RAP1GAP2: variants seen among roughly 807,000 people sequenced by gnomAD.
RAP1GAP2 encodes the protein rap1 GTPase-activating protein 2.
In RAP1GAP2, 27 loss-of-function variants were observed where a neutral mutation model predicts 95.0. That is an observed-to-expected ratio of 0.28 (90% CI 0.21 to 0.39). RAP1GAP2 has a LOEUF of 0.39. Ranked by LOEUF, RAP1GAP2 falls within the 10% of genes least tolerant of loss-of-function variation. The pLI is 1.00. For synonymous variants in RAP1GAP2, 373 were observed against 380.9 expected (o/e 0.98, Z 0.24); for missense variants, 771 against 970.0 (o/e 0.79, Z 2.72).
At chr17:2,968,999 ATATT>A (rs1203886850) in intron 8 of RAP1GAP2, among the ~76,000 whole-genome samples, 2 of 152,040 alleles carry the variant, frequency 1.3e-5, no homozygotes, top group African/African-American at 2.4e-5. Context: ...TCAGTAGTAT[ATATT>A]ATAGTATATG....
In RAP1GAP2 at chr17:2,796,553, C is replaced by A; in HGVS notation, c.26C>A (p.Ser9Tyr). 6.4e-7 allele frequency: 1 copy of A among 1,564,018 alleles called. No homozygotes were observed. Among genetic ancestry groups the A allele is most frequent in the South Asian group, 1.2e-5 (1 of 84,850 alleles). MFGRKRSV[S>Y]FGGFGWIDKT... ...ATGTTTGGCCGGAAGCGCAGTGTCTCCTTTGGGGGCTTCGGATGGTGGGTG... is the reference window on the plus strand; with the variant it reads ...ATGTTTGGCCGGAAGCGCAGTGTCTACTTTGGGGGCTTCGGATGGTGGGTG... Residue 9 changes from serine (S) to tyrosine (Y), a missense_variant, in exon 1 of 25, where the codon TCC becomes TAC. Physicochemically the swap from Ser to Tyr is moderately radical, Grantham distance 144. Coordinates refer to ENST00000254695, the MANE Select transcript of RAP1GAP2 (RefSeq NM_015085.5). The surrounding 1 kb of genome is among the most constrained non-coding windows in gnomAD (Gnocchi z 4.7).
At chr17:2,773,744 T>G (rs1425617416), upstream of RAP1GAP2, among the ~76,000 whole-genome samples, 1 of 132,736 alleles carries the variant, frequency 7.5e-6, no homozygotes, top group East Asian at 2.0e-4. Context: ...TATTTATTTA[T>G]TTATTTATTT....
chr17:2,820,132 T>A lies in RAP1GAP2; in HGVS notation c.80+19582T>A, dbSNP rs372369359. ...TATTAATTTGTACAAATAGATCACA[T>A]TTTTTTTGTATCCCCCATTGATCCC... On this transcript the variant is annotated intron_variant, in intron 2 of 24. Transcript: ENST00000254695. Among the ~76,000 whole-genome samples, 10 of 152,050 alleles carry A rather than the reference T, an allele frequency of 6.6e-5. No homozygotes were observed. The East Asian group carries it at 1.2e-3, about 18-fold the overall frequency.
rs748327704 is a variant in RAP1GAP2 at position 2,857,493 on chromosome 17, C to G, written c.81-47791C>G. On this transcript the variant is annotated intron_variant, in intron 2 of 24. Transcript: ENST00000254695. The surrounding 1 kb of genome is among the most constrained non-coding windows in gnomAD (Gnocchi z 4.0). Reference sequence around the variant, plus strand: ...TTCGAGAAATGGGCGTGGTGATCATCATGTTGGACTTGACCGTGCTCTACG... The same window carrying G: ...TTCGAGAAATGGGCGTGGTGATCATGATGTTGGACTTGACCGTGCTCTACG... 3.9e-5 allele frequency among the ~76,000 whole-genome samples: 6 copies of G among 152,188 alleles called. No individual in the cohort carries two copies. The highest frequency in any genetic ancestry group is 8.8e-5 in the Non-Finnish European group (6 of 68,044).
At chr17:2,973,636 C>A (rs750416338) in intron 8 of RAP1GAP2, among the ~76,000 whole-genome samples, 6 of 152,042 alleles carry the variant, frequency 3.9e-5, no homozygotes, top group Admixed American at 6.5e-5. Context: ...GGAAGATAGA[C>A]CCAAGGAATT....
At chr17:2,944,161 CAAAAA>C (rs36063732) in intron 3 of RAP1GAP2, among the ~76,000 whole-genome samples, 2 of 81,808 alleles carry the variant, frequency 2.4e-5, no homozygotes, top group African/African-American at 8.5e-5. Context: ...ACAGCAAAAC[CAAAAA>C]AAAAAAAAAA....
chr17:2,977,640 G>C (rs2045181083), intron 8 of RAP1GAP2, among the ~76,000 whole-genome samples: 1 of 151,732 alleles, frequency 6.6e-6, no homozygotes, highest in Non-Finnish European at 1.5e-5. Context: ...AGCTACTCGG[G>C]AGGCTGAGGC....
At chr17:2,755,955 C>T (rs1180722209) in intron 1 of RAP1GAP2, among the ~76,000 whole-genome samples, 2 of 152,128 alleles carry the variant, frequency 1.3e-5, no homozygotes, top group African/African-American at 2.4e-5. Flanking sequence ...CCCGCGTCCC[C>T]GCGCCGGGTC....
At position 3,030,920 on chromosome 17, in the gene RAP1GAP2, A is replaced by C; in HGVS notation, c.2108-2A>C. 1 of 1,606,324 alleles carries C rather than the reference A, an allele frequency of 6.2e-7. No individual in the cohort carries two copies. The highest frequency in any genetic ancestry group is 8.5e-7 in the Non-Finnish European group (1 of 1,176,120). Reference sequence around the variant, plus strand: ...TCCTTTCATGGCCGTTCTTTTTCTTAGATGCCAAAAGCAGAAACTCCCCGA... The same window carrying C: ...TCCTTTCATGGCCGTTCTTTTTCTTCGATGCCAAAAGCAGAAACTCCCCGA... On this transcript the variant is annotated splice_acceptor_variant, in intron 22 of 24. Coordinates refer to ENST00000254695, the MANE Select transcript of RAP1GAP2 (RefSeq NM_015085.5). LOFTEE classifies it high-confidence loss of function.
chr17:2,927,402 C>T (rs555033882), intron 3 of RAP1GAP2, among the ~76,000 whole-genome samples: 1 of 152,186 alleles, frequency 6.6e-6, no homozygotes, highest in Non-Finnish European at 1.5e-5. Flanking sequence ...ATCCGCCCGC[C>T]TTGGCCTCCC....
intron 11 of RAP1GAP2, among the ~76,000 whole-genome samples, chr17:2,988,573 A>G (rs2045637110): frequency 6.6e-6 from 1 of 152,126 alleles, no homozygotes; most frequent in Non-Finnish European, 1.5e-5. Context: ...GCTGAGTAGT[A>G]CTCTGTGGTA....
chr17:3,006,101 T>C, intron 16 of RAP1GAP2, 60 bp downstream of exon 16: 3 of 766,820 alleles, frequency 3.9e-6, no homozygotes, highest in Non-Finnish European at 4.4e-6. Context: ...TTAGCCAGCC[T>C]CATCCAGGGC....
At chr17:2,875,251 G>T (rs1325364224) in intron 2 of RAP1GAP2, among the ~76,000 whole-genome samples, 1 of 152,134 alleles carries the variant, frequency 6.6e-6, no homozygotes, top group Non-Finnish European at 1.5e-5. Context: ...GTTTTTAGTA[G>T]AGATGGGATC....
chr17:2,777,884 G>A (rs1210777444), intron 1 of RAP1GAP2, among the ~76,000 whole-genome samples: 3 of 152,018 alleles, frequency 2.0e-5, no homozygotes, highest in Non-Finnish European at 4.4e-5. Flanking sequence ...TTCCCATGGC[G>A]CTTTGCCCTC....
intron 1 of RAP1GAP2, among the ~76,000 whole-genome samples, chr17:2,767,731 T>G (rs914145144): frequency 2.1e-4 from 31 of 151,038 alleles, no homozygotes; most frequent in Middle Eastern, 3.4e-3. Context: ...CCATAATTTA[T>G]TATAGCTTTT....
intron 1 of RAP1GAP2, among the ~76,000 whole-genome samples, chr17:2,790,203 C>T (rs971017735): frequency 2.0e-5 from 3 of 152,024 alleles, no homozygotes; most frequent in Non-Finnish European, 4.4e-5. Context: ...ACCTCCACCT[C>T]CTGGGTTCAA....
rs2046278766 is a variant in RAP1GAP2 at position 3,004,701 on chromosome 17, C to G, written c.1201-668C>G. 6.6e-6 allele frequency among the ~76,000 whole-genome samples: 1 copy of G among 152,258 alleles called. No homozygotes were observed. The highest frequency in any genetic ancestry group is 2.1e-4 in the South Asian group (1 of 4,836). On this transcript the variant is annotated intron_variant, in intron 14 of 24. Transcript: ENST00000254695. The surrounding 1 kb of genome is among the most constrained non-coding windows in gnomAD (Gnocchi z 4.1). The stretch of plus-strand genomic sequence containing the variant: ...AGCCTGGGCCTAGGACTGGCTGACC[C>G]CGTGTGTGGGGCCAGGGCTCCCGAA...
Position 2,828,984 on chromosome 17 carries a change from C to CTTT in RAP1GAP2, c.80+28451_80+28453dup, listed in dbSNP as rs58160165. ...TCCTGTCTCAAAGATTAATTACTTG[C>CTTT]TTTTTTTTTTTTTTTTTTTGGGAAA... On this transcript the variant is annotated intron_variant, in intron 2 of 24. Coordinates refer to ENST00000254695, the MANE Select transcript of RAP1GAP2 (RefSeq NM_015085.5). 4.2e-4 allele frequency among the ~76,000 whole-genome samples: 34 copies of CTTT among 80,834 alleles called. 1 individual carries two copies. Among genetic ancestry groups the CTTT allele is most frequent in the African/African-American group, 1.2e-3 (24 of 19,714 alleles). The allele number at this position is 80,834 out of a possible 152,430, so 53.0% of individuals were successfully genotyped here. A position where few individuals can be genotyped will look rare whatever the true frequency, so the allele number is the denominator to read the frequency against.
chr17:2,891,951 G>A (rs1567749189), intron 2 of RAP1GAP2, among the ~76,000 whole-genome samples: 8 of 146,934 alleles, frequency 5.4e-5, no homozygotes. Flanking sequence ...AGCCTCCCAA[G>A]TAGCTGGGAC....
Sources: gnomAD v4.1 joint callset for allele counts (sites outside exome capture counted in the v4.1 genomes callset) on GRCh38, gnomAD v4.1.1 for gene constraint, Gnocchi (gnomAD v3.1) non-coding constraint, MANE v1.5 for transcripts, NCBI Gene and HGNC (gene_info 2026-07-23, HGNC 2026-07-21) for gene names.